Variants in LINGO2 observed in about 807,000 individuals in gnomAD.
LINGO2 encodes the protein leucine rich repeat and Ig domain containing 2, also known as leucine-rich repeat and immunoglobulin-like domain-containing nogo receptor-interacting protein 2.
A neutral mutation model predicts 30.6 loss-of-function variants in LINGO2; 14 were observed. The observed-to-expected ratio is 0.46, with a 90% CI of 0.30 to 0.72. The LOEUF (loss-of-function observed/expected upper bound fraction) is 0.72. Ranked by LOEUF, LINGO2 falls within the 30% of genes least tolerant of loss-of-function variation. The pLI, the probability that LINGO2 is intolerant of heterozygous loss-of-function variation, is 0.07. For missense variants in LINGO2, 729 were observed against 751.7 expected, an observed-to-expected ratio of 0.97 and a Z score of 0.35; for synonymous variants, 317 against 288.5, an observed-to-expected ratio of 1.10 and a Z score of -1.00.
chr9:29,112,781 A>G, the LINGO2 span, among the ~76,000 whole-genome samples: 2 of 152,206 alleles, frequency 1.3e-5, no homozygotes, highest in Non-Finnish European at 2.9e-5. Flanking sequence ...TCAAACTGTA[A>G]ATAAGGCTGA....
At chr9:28,293,073 GC>G (rs1429467923) in intron 4 of LINGO2, among the ~76,000 whole-genome samples, 4 of 151,750 alleles carry the variant, frequency 2.6e-5, no homozygotes, top group Non-Finnish European at 5.9e-5. Context: ...CACCCGGCTG[GC>G]CCTGATTTTT....
the LINGO2 span, among the ~76,000 whole-genome samples, chr9:29,135,115 TCTTC>T: frequency 6.6e-6 from 1 of 152,198 alleles, no homozygotes; most frequent in African/African-American, 2.4e-5. Flanking sequence ...TGGTAAGAAC[TCTTC>T]ATAGCTACTG....
At chr9:28,580,256 A>T (rs952038017) in intron 1 of LINGO2, among the ~76,000 whole-genome samples, 1 of 151,864 alleles carries the variant, frequency 6.6e-6, no homozygotes, top group Non-Finnish European at 1.5e-5. Flanking sequence ...TAAATCCAAA[A>T]CTTGTATAAT....
At chr9:28,082,190 A>ACAAAT (rs1317078042) in intron 4 of LINGO2, among the ~76,000 whole-genome samples, 1 of 152,212 alleles carries the variant, frequency 6.6e-6, no homozygotes, top group Non-Finnish European at 1.5e-5. Context: ...ACAAAACAAA[A>ACAAAT]CAAAAATCAC....
At chr9:28,711,877 T>C in the LINGO2 span, among the ~76,000 whole-genome samples, 3 of 152,220 alleles carry the variant, frequency 2.0e-5, no homozygotes, top group East Asian at 1.9e-4. Context: ...ACAAATACTA[T>C]ATCCGTATAG....
At chr9:28,557,475 A>T (rs535063530) in intron 1 of LINGO2, among the ~76,000 whole-genome samples, 32 of 152,220 alleles carry the variant, frequency 2.1e-4, no homozygotes, top group Non-Finnish European at 3.1e-4. Context: ...TAGAATGGCG[A>T]TCATTAAAAA....
At chr9:28,848,176 TACAC>T in the LINGO2 span, among the ~76,000 whole-genome samples, 1 of 100,662 alleles carries the variant, frequency 9.9e-6, no homozygotes, top group Non-Finnish European at 1.8e-5. Flanking sequence ...TGTGTATATA[TACAC>T]ACTATATATA....
intron 3 of LINGO2, among the ~76,000 whole-genome samples, chr9:28,322,543 G>C (rs1825085476): frequency 6.6e-6 from 1 of 151,454 alleles, no homozygotes; most frequent in African/African-American, 2.4e-5. Flanking sequence ...TCACTTTATA[G>C]AAGAGGACAC....
chr9:29,104,718 T>G, the LINGO2 span, among the ~76,000 whole-genome samples: 8 of 152,284 alleles, frequency 5.3e-5, no homozygotes, highest in East Asian at 1.4e-3. Context: ...TTCAACCTAT[T>G]TTCTTCTGTT....
the LINGO2 span, among the ~76,000 whole-genome samples, chr9:29,137,417 T>C: frequency 6.6e-6 from 1 of 152,168 alleles, no homozygotes; most frequent in Non-Finnish European, 1.5e-5. Context: ...TATCTTGCTT[T>C]AAAGTAAACT....
At chr9:28,518,733 G>C (rs1435072589) in intron 1 of LINGO2, among the ~76,000 whole-genome samples, 2 of 152,134 alleles carry the variant, frequency 1.3e-5, no homozygotes, top group African/African-American at 4.8e-5. Flanking sequence ...AAGTATATAA[G>C]TATATAAGTG....
chr9:28,811,603 TC>T, the LINGO2 span, among the ~76,000 whole-genome samples: 1 of 152,270 alleles, frequency 6.6e-6, no homozygotes, highest in Admixed American at 6.5e-5. Context: ...TAGCTTTTTT[TC>T]TATTCCTCAA....
the LINGO2 span, among the ~76,000 whole-genome samples, chr9:28,738,407 C>T: frequency 6.6e-6 from 1 of 152,016 alleles, no homozygotes; most frequent in African/African-American, 2.4e-5. Context: ...ATCAACAACC[C>T]ATAACTGAAC....
At chr9:28,225,433 AT>A (rs1346702352) in intron 4 of LINGO2, among the ~76,000 whole-genome samples, 1 of 152,130 alleles carries the variant, frequency 6.6e-6, no homozygotes, top group Non-Finnish European at 1.5e-5. Flanking sequence ...TTTTCTAGCA[AT>A]TTGATAAAAT....
intron 1 of LINGO2, among the ~76,000 whole-genome samples, chr9:28,581,173 G>A (rs1824238884): frequency 6.6e-6 from 1 of 151,818 alleles, no homozygotes; most frequent in South Asian, 2.1e-4. Context: ...TATTTTGTTG[G>A]TTAGAGTCCA....
the LINGO2 span, among the ~76,000 whole-genome samples, chr9:29,154,416 T>C: frequency 7.0e-3 from 1,013 of 145,374 alleles, 5 homozygotes; most frequent in Non-Finnish European, 0.011. Flanking sequence ...CGCCACTGCA[T>C]TCCAGCCTGG....
At chr9:28,078,972 C>A (rs1335707174) in intron 4 of LINGO2, among the ~76,000 whole-genome samples, 4 of 148,760 alleles carry the variant, frequency 2.7e-5, no homozygotes, top group African/African-American at 1.0e-4. Context: ...AATGCCTTTA[C>A]AGTTTGATAT....
At chr9:28,539,121 T>G (rs1198925136) in intron 1 of LINGO2, among the ~76,000 whole-genome samples, 2 of 151,968 alleles carry the variant, frequency 1.3e-5, no homozygotes, top group African/African-American at 4.8e-5. Context: ...AGGTTGAAAT[T>G]AAAGATATAA....
the LINGO2 span, among the ~76,000 whole-genome samples, chr9:28,750,783 G>A: frequency 7.2e-5 from 11 of 152,040 alleles, no homozygotes; most frequent in African/African-American, 2.2e-4. Context: ...AACAAGTTTA[G>A]TTATAGTAAT....
Sources: allele counts gnomAD v4.1 joint callset (sites outside exome capture counted in the v4.1 genomes callset), GRCh38; gene constraint gnomAD v4.1.1; transcripts MANE v1.5; gene names NCBI Gene and HGNC (gene_info 2026-07-23, HGNC 2026-07-21).